Variants in DCAF6 observed in about 807,000 individuals in gnomAD.
DCAF6 encodes DDB1- and CUL4-associated factor 6.
DCAF6 carries 54 observed loss-of-function variants against 125.1 expected under a neutral mutation model. That is an observed-to-expected ratio of 0.43 (90% CI 0.35 to 0.54). DCAF6 has a LOEUF of 0.54. DCAF6 is among the 20% of genes least tolerant of loss of function. The probability of loss-of-function intolerance (pLI) is 0.01; values close to 1 mark genes in which losing one functional copy is unlikely to be tolerated. For synonymous variants in DCAF6, 371 were observed against 390.4 expected, an observed-to-expected ratio of 0.95 and a Z score of 0.58; for missense variants, 934 against 1,161.7, an observed-to-expected ratio of 0.80 and a Z score of 2.85.
chr1:167,876,257 C>CA, the DCAF6 span, among the ~76,000 whole-genome samples: 2,425 of 85,060 alleles, frequency 0.029, 39 homozygotes, highest in Admixed American at 0.038. Context: ...AGCTCCATCT[C>CA]AAAAAAAAAA....
chr1:167,875,120 C>T, the DCAF6 span: 5 of 1,613,322 alleles, frequency 3.1e-6, no homozygotes, highest in Non-Finnish European at 3.4e-6. Flanking sequence ...AAATCAAGGC[C>T]TACTACCTAC....
intron 12 of DCAF6, among the ~76,000 whole-genome samples, chr1:168,033,609 G>A (rs1031703688): frequency 1.3e-5 from 2 of 152,146 alleles, no homozygotes; most frequent in African/African-American, 4.8e-5. Flanking sequence ...GAGCCACCGC[G>A]CCCGGCCTGA....
intron 10 of DCAF6, among the ~76,000 whole-genome samples, 188 bp from the exon 11 acceptor site, chr1:168,015,593 A>G (rs538580323): frequency 3.9e-5 from 6 of 152,302 alleles, no homozygotes; most frequent in East Asian, 3.9e-4. Context: ...AAATAGAAGC[A>G]TTTGGTTGTA....
the DCAF6 span, chr1:167,902,015 C>A: frequency 6.2e-7 from 1 of 1,613,548 alleles, no homozygotes; most frequent in Non-Finnish European, 8.5e-7. Context: ...AGCCCCCATA[C>A]CTGCAAATTT....
At chr1:167,893,582 C>T in the DCAF6 span, among the ~76,000 whole-genome samples, 2 of 149,266 alleles carry the variant, frequency 1.3e-5, no homozygotes, top group East Asian at 2.0e-4. Flanking sequence ...GGTGTGGTGG[C>T]GCATGTGGGA....
Position 168,075,358 on chromosome 1 carries a change from T to A in DCAF6, c.2792-13T>A. 1 of 1,588,706 alleles carries A rather than the reference T, an allele frequency of 6.3e-7. No individual in the cohort carries two copies. The highest frequency in any genetic ancestry group is 8.5e-7 in the Non-Finnish European group (1 of 1,173,592). On this transcript the variant is annotated splice_polypyrimidine_tract_variant and intron_variant, in intron 21 of 21. Coordinates refer to ENST00000367840, the MANE Select transcript of DCAF6 (RefSeq NM_001198956.2). ...AGTATTTCTCTTTGCGATTCTCTTA[T>A]CTGTGTTTCCAGACCGGTTGGAGGG... is the stretch of plus-strand genomic sequence containing the variant.
chr1:167,883,524 G>T, the DCAF6 span: 1 of 1,614,210 alleles, frequency 6.2e-7, no homozygotes, highest in East Asian at 2.2e-5. Context: ...GGATGGCTGG[G>T]CCTATCTCTT....
intron 5 of DCAF6, among the ~76,000 whole-genome samples, chr1:167,990,426 T>A (rs1680668511): frequency 6.6e-6 from 1 of 152,188 alleles, no homozygotes; most frequent in Non-Finnish European, 1.5e-5. Flanking sequence ...ATGAGAGATT[T>A]GTCATAGGTA....
intron 16 of DCAF6, among the ~76,000 whole-genome samples, chr1:168,048,514 T>A (rs540007537): frequency 6.6e-6 from 1 of 152,334 alleles, no homozygotes; most frequent in East Asian, 1.9e-4. Flanking sequence ...TTTAAAAAAA[T>A]ATTTACATTC....
chr1:168,032,790 C>G (rs962695162), intron 12 of DCAF6, among the ~76,000 whole-genome samples: 4 of 151,976 alleles, frequency 2.6e-5, no homozygotes, highest in Non-Finnish European at 5.9e-5. Flanking sequence ...TAATAGGGAC[C>G]CAACAGCAGA....
chr1:167,878,589 G>T, the DCAF6 span: 5 of 1,614,016 alleles, frequency 3.1e-6, no homozygotes, highest in Admixed American at 1.7e-5. Context: ...CAATTCCTGG[G>T]TAGTACATCA....
chr1:167,970,649 G>A (rs1677175017), intron 3 of DCAF6, among the ~76,000 whole-genome samples: 1 of 152,050 alleles, frequency 6.6e-6, no homozygotes. Flanking sequence ...ATTATCATAA[G>A]CCTTTATAGG....
rs77959584 is a variant in DCAF6 at position 167,961,042 on chromosome 1, A to G, written c.160-5587A>G. ...ACCAGAGTTTTATAATTTTCCTCAT[A>G]GAAATCTTATACATATTTCATTCAA... On this transcript the variant is annotated intron_variant, in intron 2 of 21. Coordinates refer to ENST00000367840, the MANE Select transcript of DCAF6 (RefSeq NM_001198956.2). 2.8e-3 allele frequency among the ~76,000 whole-genome samples: 422 copies of G among 152,332 alleles called. 4 individuals carry two copies. The highest frequency in any genetic ancestry group is 9.8e-3 in the African/African-American group (408 of 41,578).
intron 4 of DCAF6, among the ~76,000 whole-genome samples, chr1:167,984,221 C>T (rs1679612504): frequency 6.6e-6 from 1 of 152,176 alleles, no homozygotes; most frequent in African/African-American, 2.4e-5. Context: ...AGTATATTTT[C>T]AGAGGTCTTA....
chr1:167,954,034 T>G (rs1674383434), intron 2 of DCAF6, among the ~76,000 whole-genome samples: 1 of 152,052 alleles, frequency 6.6e-6, no homozygotes, highest in Admixed American at 6.6e-5. Flanking sequence ...TGAGACTGAG[T>G]CTCACTCCGT....
At chr1:167,880,861 TGCTTCGGC>T in the DCAF6 span, among the ~76,000 whole-genome samples, 1 of 152,222 alleles carries the variant, frequency 6.6e-6, no homozygotes, top group Non-Finnish European at 1.5e-5. Context: ...TCTGTGTGCA[TGCTTCGGC>T]CTACTCTCTC....
At chr1:167,883,107 G>C in the DCAF6 span, among the ~76,000 whole-genome samples, 1 of 152,178 alleles carries the variant, frequency 6.6e-6, no homozygotes, top group Non-Finnish European at 1.5e-5. Flanking sequence ...GTGCGATCTC[G>C]GCTCACTGCA....
intron 6 of DCAF6, among the ~76,000 whole-genome samples, chr1:167,992,282 C>A (rs1410251637): frequency 8.2e-6 from 1 of 121,652 alleles, no homozygotes. Context: ...CACACACACA[C>A]AAACACCGAA....
chr1:167,967,995 T>C (rs12093434), intron 3 of DCAF6, among the ~76,000 whole-genome samples: 4,535 of 152,150 alleles, frequency 0.03, 234 homozygotes, highest in African/African-American at 0.1. Context: ...CCTCCCAAAG[T>C]GTTGGGATTA....
Sources: gnomAD v4.1 joint callset for allele counts (sites outside exome capture counted in the v4.1 genomes callset) on GRCh38, gnomAD v4.1.1 for gene constraint, MANE v1.5 for transcripts, NCBI Gene and HGNC (gene_info 2026-07-23, HGNC 2026-07-21) for gene names.